PDE12: variants seen among roughly 807,000 people sequenced by gnomAD.
PDE12 encodes phosphodiesterase 12.
A neutral mutation model predicts 45.4 loss-of-function variants in PDE12; 26 were observed. The observed-to-expected ratio is 0.57, with a 90% CI of 0.42 to 0.79. The LOEUF (loss-of-function observed/expected upper bound fraction) is 0.79, where lower values mean the gene tolerates loss of function less well. Among genes scored for constraint, PDE12 ranks in the 30% least tolerant of loss-of-function variants. The pLI, the probability that PDE12 is intolerant of heterozygous loss-of-function variation, is 0.00. For synonymous variants in PDE12, 283 were observed against 323.9 expected (o/e 0.87, Z 1.36); for missense variants, 668 against 790.0 (o/e 0.85, Z 1.85).
chr3:57,576,006 T>C, the PDE12 span, among the ~76,000 whole-genome samples: 1 of 152,190 alleles, frequency 6.6e-6, no homozygotes, highest in Non-Finnish European at 1.5e-5. Context: ...ATAAAATGTT[T>C]ATGGCAGGTT....
the PDE12 span, among the ~76,000 whole-genome samples, chr3:57,611,182 G>T: frequency 6.6e-6 from 1 of 152,148 alleles, no homozygotes; most frequent in African/African-American, 2.4e-5. Flanking sequence ...CTAGCCATAC[G>T]TAGAAAGCTG....
the PDE12 span, among the ~76,000 whole-genome samples, chr3:57,581,844 G>A: frequency 6.6e-6 from 1 of 152,158 alleles, no homozygotes; most frequent in South Asian, 2.1e-4. Flanking sequence ...AGATGAGTAT[G>A]AAACAACACA....
chr3:57,607,940 T>G, the PDE12 span, among the ~76,000 whole-genome samples: 1 of 152,102 alleles, frequency 6.6e-6, no homozygotes, highest in South Asian at 2.1e-4. Context: ...AATTGTCAGA[T>G]TCACCAAAGT....
the PDE12 span, among the ~76,000 whole-genome samples, chr3:57,632,127 C>T: frequency 8.7e-5 from 13 of 149,870 alleles, no homozygotes; most frequent in African/African-American, 2.7e-4. Context: ...TCAAGTGATT[C>T]TCCTGCCTCA....
Position 57,561,779 on chromosome 3 carries a change from T to C in PDE12, c.*1775T>C. The C allele has an allele frequency of 1.0e-6, 1 of 983,970 alleles. No homozygotes were observed. The highest frequency in any genetic ancestry group is 1.2e-6 in the Non-Finnish European group (1 of 828,556). 61.0% of individuals were successfully genotyped at this position (983,970 alleles called of 1,614,324 possible). A position where few individuals can be genotyped will look rare whatever the true frequency, so the allele number is the denominator to read the frequency against. ...TCTTTTGATAACATCTGTACTTTCA[T>C]ATTCTGCTCACTATCAAATGTATTG... On this transcript the variant is annotated 3_prime_UTR_variant, in exon 3 of 3. Transcript: ENST00000311180.
At chr3:57,557,791 T>TTGTTGAAAGGTG in intron 1 of PDE12, 104 bp downstream of exon 1, 1 of 1,017,958 alleles carries the variant, frequency 9.8e-7, no homozygotes, top group Non-Finnish European at 1.4e-6. Context: ...TATCCAGATA[T>TTGTTGAAAGGTG]TGTTGAAAGG....
At chr3:57,617,176 G>A in the PDE12 span, among the ~76,000 whole-genome samples, 3 of 149,376 alleles carry the variant, frequency 2.0e-5, no homozygotes, top group South Asian at 2.1e-4. Context: ...AGGCTGAAGC[G>A]GGAGGATCAT....
chr3:57,603,314 T>C, the PDE12 span, among the ~76,000 whole-genome samples: 1 of 152,176 alleles, frequency 6.6e-6, no homozygotes, highest in Admixed American at 6.5e-5. Context: ...TTCCTGACTG[T>C]ACAAATATTT....
downstream of PDE12, among the ~76,000 whole-genome samples, chr3:57,568,542 G>A (rs1211947438): frequency 6.6e-6 from 1 of 150,896 alleles, no homozygotes; most frequent in African/African-American, 2.4e-5. Context: ...AAACTGAAGT[G>A]TCTGAATGAG....
rs375686692 is a variant in PDE12 at position 57,559,903 on chromosome 3, C to A, written c.1729C>A (p.Pro577Thr). 5.9e-5 allele frequency: 95 copies of A among 1,613,888 alleles called. No homozygotes were observed. Among genetic ancestry groups the A allele is most frequent in the Non-Finnish European group, 7.6e-5 (90 of 1,180,026 alleles). Reference sequence around the variant, plus strand: ...TGCTTTAGAGGTTGAACAGGTGATTCCATTACCTAGTCATGAAGAAGTTAC... The same window carrying A: ...TGCTTTAGAGGTTGAACAGGTGATTACATTACCTAGTCATGAAGAAGTTAC... ...LNALEVEQVI[P>T]LPSHEEVTTH... The change falls in exon 3 of 3, where the codon CCA (proline) becomes ACA (threonine). Residue 577 changes from proline (P) to threonine (T), a missense_variant. Pro to Thr is a conservative substitution (Grantham distance 38, BLOSUM62 -1). Coordinates refer to ENST00000311180, the MANE Select transcript of PDE12 (RefSeq NM_177966.7).
the PDE12 span, among the ~76,000 whole-genome samples, chr3:57,608,816 T>G: frequency 0.39 from 58,712 of 151,996 alleles, 12,694 homozygotes; most frequent in South Asian, 0.55. Context: ...ACTGTCAACA[T>G]TAGACAGATC....
the PDE12 span, among the ~76,000 whole-genome samples, chr3:57,580,979 A>C: frequency 6.6e-6 from 1 of 152,306 alleles, no homozygotes; most frequent in South Asian, 2.1e-4. Flanking sequence ...GAATTATTTT[A>C]GGTATTAATC....
the PDE12 span, among the ~76,000 whole-genome samples, chr3:57,574,168 T>C: frequency 1.3e-5 from 2 of 151,404 alleles, no homozygotes; most frequent in African/African-American, 4.9e-5. Flanking sequence ...CTTGAATTCC[T>C]GACCTCATGA....
downstream of PDE12, among the ~76,000 whole-genome samples, chr3:57,571,032 A>G (rs2069836980): frequency 6.6e-6 from 1 of 151,500 alleles, no homozygotes; most frequent in South Asian, 2.1e-4. Flanking sequence ...CAGGGGAAAC[A>G]GGGTCTTACT....
At position 57,560,756 on chromosome 3, in the gene PDE12, G is replaced by A. The variant is rs2069720802; in HGVS notation, c.*752G>A. On this transcript the variant is annotated 3_prime_UTR_variant, in exon 3 of 3. Transcript: ENST00000311180. ...TGAATCATGCTTATGTACTAAGAGGGAAAATGTATTTAAGTTAAGGGTGAG... is the reference window on the plus strand; with the variant it reads ...TGAATCATGCTTATGTACTAAGAGGAAAAATGTATTTAAGTTAAGGGTGAG... The A allele has an allele frequency of 1.0e-6, 1 of 985,434 alleles. No individual in the cohort carries two copies. The highest frequency in any genetic ancestry group is 1.7e-5 in the African/African-American group (1 of 57,236). The allele number at this position is 985,434 out of a possible 1,614,324, so 61.0% of individuals were successfully genotyped here.
the PDE12 span, among the ~76,000 whole-genome samples, chr3:57,656,263 T>C: frequency 1.3e-5 from 2 of 152,226 alleles, no homozygotes; most frequent in African/African-American, 2.4e-5. Flanking sequence ...ATCATATAAA[T>C]GGAATCATTC....
the PDE12 span, among the ~76,000 whole-genome samples, chr3:57,632,650 T>C: frequency 6.6e-6 from 1 of 152,242 alleles, no homozygotes; most frequent in African/African-American, 2.4e-5. Flanking sequence ...TTTATATTAA[T>C]AACTGCAAAA....
chr3:57,596,012 C>A, the PDE12 span, among the ~76,000 whole-genome samples: 1 of 151,738 alleles, frequency 6.6e-6, no homozygotes. Context: ...GCTAATGAAC[C>A]AACAAGTTTC....
the PDE12 span, among the ~76,000 whole-genome samples, chr3:57,631,681 T>C: frequency 6.6e-6 from 1 of 151,752 alleles, no homozygotes; most frequent in Non-Finnish European, 1.5e-5. Context: ...AATTTAGACT[T>C]GAAATGAGGT....
Sources: allele counts gnomAD v4.1 joint callset (sites outside exome capture counted in the v4.1 genomes callset), GRCh38; gene constraint gnomAD v4.1.1; transcripts MANE v1.5; gene names NCBI Gene and HGNC (gene_info 2026-07-23, HGNC 2026-07-21).